The following FGGY variants were observed in gnomAD, a reference collection of about 807,000 sequenced individuals.
The protein encoded by FGGY is FGGY carbohydrate kinase domain containing.
FGGY carries 72 observed loss-of-function variants against 71.3 expected under a neutral mutation model. The observed-to-expected ratio is 1.01, with a 90% CI of 0.84 to 1.23. The LOEUF (loss-of-function observed/expected upper bound fraction) is 1.23, where lower values mean the gene tolerates loss of function less well. Among genes scored for constraint, FGGY ranks in the 50% most tolerant of loss-of-function variants. The pLI is 0.00. For missense variants in FGGY, 668 were observed against 682.3 expected, an observed-to-expected ratio of 0.98 and a Z score of 0.23; for synonymous variants, 251 against 250.3, an observed-to-expected ratio of 1.00 and a Z score of -0.02.
rs534526817 is a variant in FGGY, at chr1:59,433,051, A to G, written c.555-23910A>G. Among the ~76,000 whole-genome samples the G allele has an allele frequency of 1.3e-4, 20 of 152,374 alleles. 1 individual carries two copies. In the South Asian group the frequency reaches 4.1e-3, roughly 32 times the overall value. Reference sequence around the variant, plus strand: ...ATATCCAACTGACCTTTGTATCTGTAGAGCCTAGCTCCAAGGCTGGGCGTA... The same window carrying G: ...ATATCCAACTGACCTTTGTATCTGTGGAGCCTAGCTCCAAGGCTGGGCGTA... On this transcript the variant is annotated intron_variant, in intron 5 of 15. Coordinates refer to ENST00000303721, the MANE Select transcript of FGGY (RefSeq NM_018291.5).
At chr1:59,580,021 C>T (rs934817117) in intron 8 of FGGY, among the ~76,000 whole-genome samples, 7 of 152,132 alleles carry the variant, frequency 4.6e-5, no homozygotes, top group African/African-American at 1.7e-4. Flanking sequence ...CTTATCTCTC[C>T]ACCTGCATCA....
chr1:59,467,996 C>T (rs766282768), intron 6 of FGGY, among the ~76,000 whole-genome samples: 2 of 152,076 alleles, frequency 1.3e-5, no homozygotes, highest in African/African-American at 2.4e-5. Context: ...CTCTGCCTCC[C>T]GGTTTCAAGT....
intron 14 of FGGY, among the ~76,000 whole-genome samples, chr1:59,711,298 G>A (rs1249771976): frequency 1.3e-5 from 2 of 152,140 alleles, no homozygotes; most frequent in African/African-American, 4.8e-5. Context: ...TCAAGCAGTC[G>A]GGGGAAGGGG....
rs149869242 is a variant in FGGY at position 59,412,818 on chromosome 1, G to A, written c.554+33981G>A. On this transcript the variant is annotated intron_variant, in intron 5 of 15. Transcript: ENST00000303721. ...CTTTTAAGAAAATGCAACAGGGAGA[G>A]GGCAGAGAGTGGGCCACGTGGGGCC... Among the ~76,000 whole-genome samples the A allele has an allele frequency of 2.5e-3, 380 of 152,266 alleles. 1 individual carries two copies. The highest frequency in any genetic ancestry group is 8.9e-3 in the African/African-American group (368 of 41,538).
intron 2 of FGGY, among the ~76,000 whole-genome samples, chr1:59,327,755 TC>T (rs2047698030): frequency 1.3e-5 from 2 of 152,216 alleles, no homozygotes; most frequent in South Asian, 4.1e-4. Flanking sequence ...AGCTGAAATT[TC>T]TCTTTGATCC....
At chr1:59,639,842 A>G (rs548194883) in intron 11 of FGGY, among the ~76,000 whole-genome samples, 167 of 152,312 alleles carry the variant, frequency 1.1e-3, no homozygotes, top group African/African-American at 3.8e-3. Flanking sequence ...AGTACCCAGC[A>G]TGTCAGGCTT....
intron 5 of FGGY, among the ~76,000 whole-genome samples, chr1:59,431,253 A>C (rs951291286): frequency 3.9e-5 from 6 of 152,170 alleles, no homozygotes; most frequent in African/African-American, 1.4e-4. Context: ...CTTTAGTAAC[A>C]TCCCACTGCT....
In FGGY at chr1:59,724,483, C is replaced by CA. The variant is rs1247971467; in HGVS notation, c.1513-33433dup. On this transcript the variant is annotated intron_variant, in intron 14 of 15. Transcript: ENST00000303721. ...TGGGCAACAGAGCGAGACTCCATCT[C>CA]AAAAAAAAAAAAAAATTCCCCTGTG... 6.1e-3 allele frequency among the ~76,000 whole-genome samples: 827 copies of CA among 134,648 alleles called. 11 individuals are homozygous for CA. The East Asian group carries it at 0.062, about 10-fold the overall frequency. 88.3% of individuals were successfully genotyped at this position (134,648 alleles called of 152,430 possible). A position where few individuals can be genotyped will look rare whatever the true frequency, so the allele number is the denominator to read the frequency against.
intron 5 of FGGY, among the ~76,000 whole-genome samples, chr1:59,439,944 G>T (rs2069378470): frequency 1.3e-5 from 2 of 152,164 alleles, no homozygotes; most frequent in African/African-American, 4.8e-5. Flanking sequence ...AGTCGATCCA[G>T]CCAGGCTGGT....
intron 6 of FGGY, among the ~76,000 whole-genome samples, chr1:59,504,084 C>T (rs1291428212): frequency 6.6e-6 from 1 of 151,398 alleles, no homozygotes; most frequent in East Asian, 1.9e-4. Flanking sequence ...GTCAATCATG[C>T]CTGTGTAAAA....
At chr1:59,684,464 A>AC (rs1441506465) in intron 14 of FGGY, among the ~76,000 whole-genome samples, 6 of 151,728 alleles carry the variant, frequency 4.0e-5, no homozygotes, top group South Asian at 2.1e-4. Flanking sequence ...GTACCGTGGG[A>AC]CCCCCCAGGC....
intron 8 of FGGY, among the ~76,000 whole-genome samples, chr1:59,590,299 G>T (rs1175355023): frequency 6.6e-6 from 1 of 152,152 alleles, no homozygotes; most frequent in Non-Finnish European, 1.5e-5. Flanking sequence ...ATAATTAATA[G>T]CTTACCAACC....
intron 14 of FGGY, among the ~76,000 whole-genome samples, chr1:59,694,667 T>G (rs759838606): frequency 6.6e-6 from 1 of 151,590 alleles, no homozygotes; most frequent in Non-Finnish European, 1.5e-5. Flanking sequence ...AAAACTGCTA[T>G]GATGTTCAAG....
At chr1:59,481,561 A>AAG (rs1387475798) in intron 6 of FGGY, among the ~76,000 whole-genome samples, 1 of 152,202 alleles carries the variant, frequency 6.6e-6, no homozygotes, top group Non-Finnish European at 1.5e-5. Context: ...CGTGGAAACC[A>AAG]AGAAATCTGT....
chr1:59,718,098 G>A (rs2097858182), intron 14 of FGGY, among the ~76,000 whole-genome samples: 1 of 152,152 alleles, frequency 6.6e-6, no homozygotes, highest in Non-Finnish European at 1.5e-5. Flanking sequence ...AACAGGATAG[G>A]TGTTACGAGC....
At chr1:59,327,248 T>G (rs835374) in intron 2 of FGGY, among the ~76,000 whole-genome samples, 3 of 152,036 alleles carry the variant, frequency 2.0e-5, no homozygotes, top group Non-Finnish European at 4.4e-5. Context: ...AAACTGGAGT[T>G]AGTTCTTTCA....
intron 14 of FGGY, among the ~76,000 whole-genome samples, chr1:59,706,110 C>T (rs537036846): frequency 2.0e-3 from 299 of 152,320 alleles, no homozygotes; most frequent in Non-Finnish European, 2.5e-3. Context: ...GTTCTTTCTT[C>T]AAGCATTGTG....
At chr1:59,517,678 A>G (rs1029719203) in intron 7 of FGGY, among the ~76,000 whole-genome samples, 2 of 152,204 alleles carry the variant, frequency 1.3e-5, no homozygotes, top group Middle Eastern at 3.4e-3. Context: ...TGTGTGTGCC[A>G]CATTGCCTCA....
chr1:59,515,921 G>GTT (rs761544626), intron 7 of FGGY, among the ~76,000 whole-genome samples: 3 of 151,524 alleles, frequency 2.0e-5, no homozygotes, highest in African/African-American at 7.3e-5. Flanking sequence ...AGATAGAATA[G>GTT]TTTTTTTTTG....
Sources: gnomAD v4.1 joint callset for allele counts (sites outside exome capture counted in the v4.1 genomes callset) on GRCh38, gnomAD v4.1.1 for gene constraint, MANE v1.5 for transcripts, NCBI Gene and HGNC (gene_info 2026-07-23, HGNC 2026-07-21) for gene names.